YAE1: variants seen among roughly 807,000 people sequenced by gnomAD.
YAE1 encodes the protein YAE1 maturation factor of ABCE1.
Under a neutral mutation model 23.0 loss-of-function variants are expected in YAE1, and 22 were observed. The ratio of observed to expected loss-of-function variants is 0.96; its 90% CI spans 0.68 to 1.37. YAE1 has a LOEUF of 1.37. Ranked by LOEUF, YAE1 falls within the 40% of genes most tolerant of loss-of-function variation. YAE1 has a pLI of 0.00. For synonymous variants in YAE1, 101 were observed against 97.0 expected, an observed-to-expected ratio of 1.04 and a Z score of -0.24; for missense variants, 260 against 262.1, an observed-to-expected ratio of 0.99 and a Z score of 0.06.
chr7:39,572,185 A>AT, intron 2 of YAE1, 92 bp from the exon 3 acceptor site: 2 of 1,316,652 alleles, frequency 1.5e-6, no homozygotes, highest in Non-Finnish European at 2.0e-6. Context: ...CAGTTTTATG[A>AT]TTAAGTCCAA....
At chr7:39,570,907 C>A in intron 2 of YAE1, 1 of 304,698 alleles carries the variant, frequency 3.3e-6, no homozygotes, top group Non-Finnish European at 5.9e-6. Context: ...GAAAGGTCTT[C>A]AGATTTTGAA....
intron 2 of YAE1, among the ~76,000 whole-genome samples, chr7:39,578,188 G>A (rs937525689): frequency 2.6e-5 from 4 of 152,284 alleles, no homozygotes; most frequent in Admixed American, 2.0e-4. Context: ...TTCAAGCAGC[G>A]CTCTGTGTCT....
At chr7:39,602,151 A>G (rs1338736707) in intron 2 of YAE1, among the ~76,000 whole-genome samples, 3 of 152,254 alleles carry the variant, frequency 2.0e-5, no homozygotes, top group African/African-American at 7.2e-5. Context: ...TAGAGGACTC[A>G]AAGAGACAGC....
intron 2 of YAE1, among the ~76,000 whole-genome samples, chr7:39,585,164 G>A (rs1172851790): frequency 6.6e-6 from 1 of 152,110 alleles, no homozygotes; most frequent in African/African-American, 2.4e-5. Context: ...TCTGCCATAT[G>A]GGCTTCTAGT....
intron 2 of YAE1, among the ~76,000 whole-genome samples, chr7:39,585,756 C>T (rs990694209): frequency 6.6e-6 from 1 of 152,148 alleles, no homozygotes; most frequent in Non-Finnish European, 1.5e-5. Flanking sequence ...CAAAAAGTTC[C>T]TACTGAAATG....
intron 2 of YAE1, among the ~76,000 whole-genome samples, chr7:39,602,659 G>A (rs1260677823): frequency 6.6e-6 from 1 of 152,198 alleles, no homozygotes; most frequent in Non-Finnish European, 1.5e-5. Context: ...TCCTCTCTAC[G>A]TTGTTTCTTT....
chr7:39,588,790 C>T (rs568115742), intron 2 of YAE1, among the ~76,000 whole-genome samples: 11 of 151,182 alleles, frequency 7.3e-5, no homozygotes, highest in African/African-American at 2.7e-4. Context: ...TTAGAATTTA[C>T]TTTAAAAATG....
rs773401246 is a variant in YAE1, at chr7:39,572,258, T to A, written c.252-19T>A. The A allele has an allele frequency of 6.3e-7, 1 of 1,580,802 alleles. No homozygotes were observed. The highest frequency in any genetic ancestry group is 2.2e-5 in the East Asian group (1 of 44,508). On this transcript the variant is annotated intron_variant, in intron 2 of 2. Coordinates refer to ENST00000223273, the MANE Select transcript of YAE1 (RefSeq NM_020192.5). ...AAGTCCTATTTTGCTATTTAACCCT[T>A]GTTTATACTTTTGTTCAGTGCTTTG... is the stretch of plus-strand genomic sequence containing the variant.
chr7:39,603,000 T>G (rs949977770), intron 2 of YAE1, among the ~76,000 whole-genome samples: 2 of 152,180 alleles, frequency 1.3e-5, no homozygotes, highest in African/African-American at 4.8e-5. Context: ...CTGCCTACCT[T>G]GGCCTTCCAA....
exon 3 of YAE1, chr7:39,609,764 GCTGCTGAGCCTGGTT>G: frequency 1.3e-6 from 2 of 1,534,680 alleles, no homozygotes; most frequent in Non-Finnish European, 1.7e-6. Context: ...TCGAGGCGAC[GCTGCTGAGCCTGGTT>G]CCCCAAAGCG....
downstream of YAE1, among the ~76,000 whole-genome samples, chr7:39,610,689 G>T (rs1791199969): frequency 6.6e-6 from 1 of 152,208 alleles, no homozygotes. Flanking sequence ...TGATCTTGGG[G>T]ATTCTGGCTG....
downstream of YAE1, among the ~76,000 whole-genome samples, chr7:39,577,684 C>T (rs189785661): frequency 0.011 from 1,670 of 152,340 alleles, 43 homozygotes; most frequent in South Asian, 0.012. Flanking sequence ...TAGCCTCACC[C>T]CCACTGTGGG....
Position 39,572,756 on chromosome 7 carries a change from C to G in YAE1, c.*50C>G. On this transcript the variant is annotated 3_prime_UTR_variant, in exon 3 of 3. Coordinates refer to ENST00000223273, the MANE Select transcript of YAE1 (RefSeq NM_020192.5). The stretch of plus-strand genomic sequence containing the variant: ...AATAATGTTCAGAACATTTGGTTTC[C>G]TAACAATCGAAATTTGTACTGGTTT... 1 of 1,518,464 alleles carries G rather than the reference C, an allele frequency of 6.6e-7. No individual in the cohort carries two copies. The highest frequency in any genetic ancestry group is 1.8e-4 in the Middle Eastern group (1 of 5,610). The allele number at this position is 1,518,464 out of a possible 1,614,324, so 94.1% of individuals were successfully genotyped here.
chr7:39,575,537 GGAGAGAGAGAGAGA>G (rs56954676), downstream of YAE1, among the ~76,000 whole-genome samples: 2,483 of 131,270 alleles, frequency 0.019, 79 homozygotes, highest in African/African-American at 0.065. Flanking sequence ...CTAAGATACA[GGAGAGAGAGAGAGA>G]GAGAGAGAGA....
chr7:39,605,200 A>C lies in YAE1; in HGVS notation c.252-4417A>C, dbSNP rs548667470. ...TGGGAAACCAGACCAGGTCAAAGTG[A>C]CTTTGTAACCATGGTCTGCAACCTA... is the stretch of plus-strand genomic sequence containing the variant. On this transcript the variant is annotated intron_variant, in intron 2 of 2. Coordinates refer to the YAE1 transcript ENST00000432096. 2.0e-5 allele frequency among the ~76,000 whole-genome samples: 3 copies of C among 152,154 alleles called. No individual in the cohort carries two copies. In the East Asian group the frequency reaches 5.8e-4, roughly 29 times the overall value.
chr7:39,572,266 CT>C lies in YAE1; in HGVS notation c.252-7del. ...TTTTGCTATTTAACCCTTGTTTATA[CT>C]TTTGTTCAGTGCTTTGCTCTCCTGG... On this transcript the variant is annotated splice_polypyrimidine_tract_variant and intron_variant, in intron 2 of 2. Coordinates refer to ENST00000223273, the MANE Select transcript of YAE1 (RefSeq NM_020192.5). 6.3e-7 allele frequency: 1 copy of C among 1,592,304 alleles called. No individual in the cohort carries two copies. The highest frequency in any genetic ancestry group is 8.6e-7 in the Non-Finnish European group (1 of 1,169,190).
intron 1 of YAE1, chr7:39,570,172 A>T: frequency 1.4e-6 from 1 of 718,366 alleles, no homozygotes. Flanking sequence ...CTGCCAGCGG[A>T]ACTGCAAGAC....
intron 1 of YAE1, among the ~76,000 whole-genome samples, chr7:39,568,541 A>T (rs1412379864): frequency 6.6e-6 from 1 of 152,202 alleles, no homozygotes; most frequent in Non-Finnish European, 1.5e-5. Flanking sequence ...AGCAAGAATG[A>T]TTTAAAATCT....
intron 2 of YAE1, among the ~76,000 whole-genome samples, chr7:39,593,236 G>A (rs1367318251): frequency 8.6e-6 from 1 of 116,118 alleles, no homozygotes; most frequent in African/African-American, 3.4e-5. Context: ...CCAGGCTGCA[G>A]TGCAGTGGCA....
Sources: gnomAD v4.1 joint callset for allele counts (sites outside exome capture counted in the v4.1 genomes callset) on GRCh38, gnomAD v4.1.1 for gene constraint, MANE v1.5 for transcripts, NCBI Gene and HGNC (gene_info 2026-07-23, HGNC 2026-07-21) for gene names.